Variants in PCTP observed in about 807,000 individuals in gnomAD.
The protein encoded by PCTP is phosphatidylcholine transfer protein.
Under a neutral mutation model 31.0 loss-of-function variants are expected in PCTP, and 27 were observed. The ratio of observed to expected loss-of-function variants is 0.87; its 90% CI spans 0.64 to 1.20. PCTP has a LOEUF of 1.20. PCTP is among the 50% of genes most tolerant of loss of function. The pLI is 0.00. For synonymous variants in PCTP, 108 were observed against 101.2 expected (o/e 1.07, Z -0.40); for missense variants, 287 against 268.2 (o/e 1.07, Z -0.49).
intron 3 of PCTP, among the ~76,000 whole-genome samples, chr17:55,805,312 T>G (rs1311803317): frequency 1.3e-5 from 2 of 152,120 alleles, no homozygotes; most frequent in Non-Finnish European, 2.9e-5. Flanking sequence ...CATTACCCAA[T>G]AGTGAACACT....
At chr17:55,764,375 C>T (rs1910521399) in intron 1 of PCTP, among the ~76,000 whole-genome samples, 1 of 152,114 alleles carries the variant, frequency 6.6e-6, no homozygotes, top group Non-Finnish European at 1.5e-5. Flanking sequence ...TAAATCCTTA[C>T]TAAGTTCAAT....
chr17:55,788,875 C>T (rs537357281), intron 3 of PCTP, among the ~76,000 whole-genome samples: 1 of 152,150 alleles, frequency 6.6e-6, no homozygotes, highest in East Asian at 1.9e-4. Flanking sequence ...GATTGTTTTA[C>T]TTGCTTTTTA....
rs76803919 is a variant in PCTP at position 55,770,972 on chromosome 17, A to G, written c.260-134A>G. On this transcript the variant is annotated intron_variant, in intron 2 of 5. Transcript: ENST00000268896. ...GGTCTTGAACTCCTGGACTTGAGCAATTGACTCACCTTGGCCTCAAAAAGT... is the reference window on the plus strand; with the variant it reads ...GGTCTTGAACTCCTGGACTTGAGCAGTTGACTCACCTTGGCCTCAAAAAGT... 2,055 of 662,142 alleles carry G rather than the reference A, an allele frequency of 3.1e-3. 45 individuals carry two copies. The East Asian group carries it at 0.044, about 14-fold the overall frequency. The allele number at this position is 662,142 out of a possible 1,614,324, so 41.0% of individuals were successfully genotyped here. A position where few individuals can be genotyped will look rare whatever the true frequency, so the allele number is the denominator to read the frequency against.
intron 3 of PCTP, among the ~76,000 whole-genome samples, chr17:55,805,007 G>C (rs570977601): frequency 6.6e-6 from 1 of 152,208 alleles, no homozygotes; most frequent in African/African-American, 2.4e-5. Flanking sequence ...CCATGCATTT[G>C]TATGCACCCA....
At chr17:55,852,130 A>G in the PCTP span, among the ~76,000 whole-genome samples, 4 of 152,210 alleles carry the variant, frequency 2.6e-5, no homozygotes, top group Admixed American at 2.6e-4. Flanking sequence ...CAGTTCATAC[A>G]TTTTAAGTGT....
chr17:55,791,808 A>G (rs1911992731), intron 3 of PCTP, among the ~76,000 whole-genome samples: 1 of 152,118 alleles, frequency 6.6e-6, no homozygotes, highest in Non-Finnish European at 1.5e-5. Flanking sequence ...ATTACTGGGT[A>G]TATACCCAAA....
chr17:55,799,837 A>T (rs185757296), intron 3 of PCTP, among the ~76,000 whole-genome samples: 1 of 152,276 alleles, frequency 6.6e-6, no homozygotes, highest in East Asian at 1.9e-4. Flanking sequence ...TATGAAGCTT[A>T]GTTTGGCTGG....
chr17:55,814,009 C>T (rs969009038), intron 3 of PCTP, among the ~76,000 whole-genome samples: 1 of 151,272 alleles, frequency 6.6e-6, no homozygotes, highest in Non-Finnish European at 1.5e-5. Flanking sequence ...GAGATCGTGT[C>T]ACTGCACTCC....
chr17:55,844,816 G>A (rs1183071789), downstream of PCTP, among the ~76,000 whole-genome samples: 3 of 152,046 alleles, frequency 2.0e-5, no homozygotes, highest in African/African-American at 7.2e-5. Context: ...TAGACCAGGC[G>A]CGGTGGCTCA....
At chr17:55,822,169 A>G (rs1245629710) in intron 3 of PCTP, among the ~76,000 whole-genome samples, 1 of 152,230 alleles carries the variant, frequency 6.6e-6, no homozygotes, top group Non-Finnish European at 1.5e-5. Context: ...TTAAGCCCAC[A>G]AAACAAAGAC....
chr17:55,843,330 C>A (rs937365295), downstream of PCTP, among the ~76,000 whole-genome samples: 7 of 152,172 alleles, frequency 4.6e-5, no homozygotes, highest in Admixed American at 4.6e-4. Context: ...AGAGGCCTCA[C>A]ACTTCTTTTA....
At position 55,771,042 on chromosome 17, in the gene PCTP, A is replaced by G. The variant is rs78668995; in HGVS notation, c.260-64A>G. The G allele has an allele frequency of 6.4e-5, 82 of 1,285,406 alleles. No individual in the cohort carries two copies. In the East Asian group the frequency reaches 7.6e-4, roughly 12 times the overall value. The allele number at this position is 1,285,406 out of a possible 1,614,324, so 79.6% of individuals were successfully genotyped here. On this transcript the variant is annotated intron_variant, in intron 2 of 5. Transcript: ENST00000268896. ...GCCACCATGCTTGGCCTAAGAGGTC[A>G]TACCCTTATTAGTTGTAGCTAAAAA...
At chr17:55,751,462 A>T in intron 1 of PCTP, 1 of 1,532,324 alleles carries the variant, frequency 6.5e-7, no homozygotes, top group Non-Finnish European at 8.7e-7. Context: ...GGAAGGTCAC[A>T]GGAGTTCAGC....
In PCTP at chr17:55,818,004, C is replaced by G. The variant is rs563128694; in HGVS notation, c.318-4757C>G. Among the ~76,000 whole-genome samples the G allele has an allele frequency of 3.3e-5, 5 of 152,210 alleles. No homozygotes were observed. In the South Asian group the frequency reaches 1.0e-3, roughly 32 times the overall value. On this transcript the variant is annotated intron_variant, in intron 3 of 3. Transcript: ENST00000572536. The stretch of plus-strand genomic sequence containing the variant: ...AGGGGAGAGGGAGAGGGAGTAAGAC[C>G]TAAGTTTGGTGAGTACCATGATACA...
chr17:55,850,792 A>G, the PCTP span, among the ~76,000 whole-genome samples: 1 of 152,192 alleles, frequency 6.6e-6, no homozygotes, highest in Non-Finnish European at 1.5e-5. Flanking sequence ...TAATGGTAGA[A>G]AAGCTTTTAA....
At chr17:55,830,757 G>T (rs186339322) in intron 5 of PCTP, among the ~76,000 whole-genome samples, 7 of 152,278 alleles carry the variant, frequency 4.6e-5, no homozygotes, top group Non-Finnish European at 7.4e-5. Flanking sequence ...ACAGAAAAAT[G>T]AATCTTTTTA....
chr17:55,802,601 A>G (rs1292957249), intron 3 of PCTP, among the ~76,000 whole-genome samples: 4 of 151,848 alleles, frequency 2.6e-5, no homozygotes, highest in Non-Finnish European at 5.9e-5. Context: ...ATCACATAAA[A>G]CCAATGACAA....
rs116005741 is a variant in PCTP at position 55,762,637 on chromosome 17, A to G, written c.142-4698A>G. ...ATAGGTCAGAGTTCTACCTATTGGT[A>G]GAGTTTGCTGTCATTGATTTAGCAT... is the stretch of plus-strand genomic sequence containing the variant. On this transcript the variant is annotated intron_variant, in intron 1 of 5. Transcript: ENST00000268896. Among the ~76,000 whole-genome samples, 1,191 of 152,292 alleles carry G rather than the reference A, an allele frequency of 7.8e-3. 26 individuals are homozygous for G. Among genetic ancestry groups the G allele is most frequent in the African/African-American group, 0.027 (1,124 of 41,562 alleles).
chr17:55,768,319 C>T (rs545213633), intron 2 of PCTP, among the ~76,000 whole-genome samples: 8 of 152,156 alleles, frequency 5.3e-5, no homozygotes, highest in African/African-American at 1.9e-4. Flanking sequence ...GTGATCCTCC[C>T]ATGTATCTAG....
Sources: allele counts gnomAD v4.1 joint callset (sites outside exome capture counted in the v4.1 genomes callset), GRCh38; gene constraint gnomAD v4.1.1; transcripts MANE v1.5; gene names NCBI Gene and HGNC (gene_info 2026-07-23, HGNC 2026-07-21).